The following UBE2Q2 variants were observed in gnomAD, a reference collection of about 807,000 sequenced individuals.
UBE2Q2 encodes ubiquitin-conjugating enzyme E2 Q2.
In UBE2Q2, 54 loss-of-function variants were observed where a neutral mutation model predicts 59.9. The ratio of observed to expected loss-of-function variants is 0.90; its 90% CI spans 0.72 to 1.13. UBE2Q2 has a LOEUF of 1.13. Ranked by LOEUF, UBE2Q2 falls within the 50% of genes most tolerant of loss-of-function variation. UBE2Q2 has a pLI of 0.00. For missense variants in UBE2Q2, 433 were observed against 441.9 expected, an observed-to-expected ratio of 0.98 and a Z score of 0.18; for synonymous variants, 165 against 155.2, an observed-to-expected ratio of 1.06 and a Z score of -0.47.
At chr15:75,891,073 C>T in intron 11 of UBE2Q2, 59 bp downstream of exon 11, 3 of 1,329,096 alleles carry the variant, frequency 2.3e-6, no homozygotes, top group Non-Finnish European at 3.2e-6. Context: ...ACTTTATAAG[C>T]TTTCTTCCTG....
At chr15:75,859,693 G>A (rs1223063390) in intron 2 of UBE2Q2, among the ~76,000 whole-genome samples, 185 bp from the exon 3 acceptor site, 1 of 152,124 alleles carries the variant, frequency 6.6e-6, no homozygotes, top group African/African-American at 2.4e-5. Flanking sequence ...CCAAGCCATA[G>A]TAACTTTCTT....
In UBE2Q2 at chr15:75,879,083, T is replaced by C. The variant is rs201380306; in HGVS notation, c.735-15T>C. On this transcript the variant is annotated splice_polypyrimidine_tract_variant and intron_variant, in intron 7 of 12. Coordinates refer to ENST00000267938, the MANE Select transcript of UBE2Q2 (RefSeq NM_173469.4). Reference sequence around the variant, plus strand: ...AACTTTTTATTTGAACTGTTTTTTGTTTTGTAATTCTTAGGGTTGACCCTG... The same window carrying C: ...AACTTTTTATTTGAACTGTTTTTTGCTTTGTAATTCTTAGGGTTGACCCTG... 1.8e-4 allele frequency: 277 copies of C among 1,532,788 alleles called. 1 individual carries two copies. The highest frequency in any genetic ancestry group is 2.3e-4 in the Non-Finnish European group (265 of 1,142,344). 94.9% of individuals were successfully genotyped at this position (1,532,788 alleles called of 1,614,324 possible).
In UBE2Q2 at chr15:75,899,633, G is replaced by T. The variant is rs536839169; in HGVS notation, c.*175G>T. The T allele has an allele frequency of 8.9e-6, 4 of 450,858 alleles. No homozygotes were observed. The East Asian group carries it at 1.7e-4, about 19-fold the overall frequency. The allele number at this position is 450,858 out of a possible 1,614,324, so 27.9% of individuals were successfully genotyped here. A position where few individuals can be genotyped will look rare whatever the true frequency, so the allele number is the denominator to read the frequency against. The stretch of plus-strand genomic sequence containing the variant: ...GTATAAGTTACAGCCTTTGCATTTT[G>T]CTCATTTTAGATATCTTGGACTGAG... On this transcript the variant is annotated 3_prime_UTR_variant, in exon 13 of 13. Transcript: ENST00000267938.
intron 4 of UBE2Q2, among the ~76,000 whole-genome samples, chr15:75,871,666 A>G (rs948630846): frequency 6.6e-6 from 1 of 152,242 alleles, no homozygotes; most frequent in Non-Finnish European, 1.5e-5. Context: ...GACACAGCAC[A>G]TGTTTCAGAG....
chr15:75,854,872 C>G (rs1170362074), intron 2 of UBE2Q2, among the ~76,000 whole-genome samples: 2 of 152,040 alleles, frequency 1.3e-5, no homozygotes, highest in African/African-American at 4.8e-5. Context: ...TTTCAAGGGT[C>G]TGTAAGTCTG....
chr15:75,868,923 G>A (rs1048204657), intron 3 of UBE2Q2, 28 bp from the exon 4 acceptor site: 4 of 1,610,358 alleles, frequency 2.5e-6, no homozygotes, highest in Admixed American at 1.7e-5. Flanking sequence ...GTTCTGTATA[G>A]CCCTGGCAGA....
intron 12 of UBE2Q2, among the ~76,000 whole-genome samples, chr15:75,898,726 C>G (rs77517206): frequency 0.017 from 2,582 of 152,200 alleles, 65 homozygotes; most frequent in African/African-American, 0.058. Context: ...TCCTTGTATT[C>G]TAAATCGCCA....
intron 7 of UBE2Q2, 77 bp downstream of exon 7, chr15:75,878,098 GAT>G (rs574265788): frequency 2.4e-6 from 3 of 1,266,664 alleles, no homozygotes; most frequent in Non-Finnish European, 2.3e-6. Context: ...CTTCTAACTT[GAT>G]ACCTTTATAC....
At chr15:75,873,125 T>G (rs1376900509) in intron 4 of UBE2Q2, among the ~76,000 whole-genome samples, 1 of 152,246 alleles carries the variant, frequency 6.6e-6, no homozygotes, top group Non-Finnish European at 1.5e-5. Flanking sequence ...CACCTGCTGC[T>G]AAACTGTTTT....
chr15:75,873,540 G>A lies in UBE2Q2; in HGVS notation c.560G>A (p.Arg187Lys). 1 of 1,613,714 alleles carries A rather than the reference G, an allele frequency of 6.2e-7. No individual in the cohort carries two copies. Among genetic ancestry groups the A allele is most frequent in the Non-Finnish European group, 8.5e-7 (1 of 1,179,864 alleles). Residue 187 changes from arginine to lysine, a missense_variant, in exon 5 of 13, where the codon AGG becomes AAG. Physicochemically the swap from Arg to Lys is conservative, Grantham distance 26 (BLOSUM62 2). Transcript: ENST00000267938. Reference protein sequence around the residue: ...KENLAILEKIRKTQRQDHLNG... With the variant: ...KENLAILEKIKKTQRQDHLNG... Reference sequence around the variant, plus strand: ...AATTTGGCAATATTAGAGAAAATTAGGAAGACTCAAAGGCAAGACCATTTA... The same window carrying A: ...AATTTGGCAATATTAGAGAAAATTAAGAAGACTCAAAGGCAAGACCATTTA...
chr15:75,893,322 G>T (rs1390041533), intron 11 of UBE2Q2, among the ~76,000 whole-genome samples: 1 of 152,170 alleles, frequency 6.6e-6, no homozygotes, highest in East Asian at 1.9e-4. Flanking sequence ...TGCAGCTTTA[G>T]TATCAAACAA....
chr15:75,859,970 A>C lies in UBE2Q2; in HGVS notation c.375A>C (p.Leu125=). The change falls in exon 3 of 13, where the codon CTA becomes CTC. Residue 125 remains leucine (L), a synonymous_variant. Transcript: ENST00000267938. ...ATGTTGAGATGCTAGATCAACCACT[A>C]CCCACGGGTCAGGTAAAGTAAAAAT... ...HLDVEMLDQP[L]PTGQNGTTEE... The C allele has an allele frequency of 6.3e-7, 1 of 1,596,596 alleles. No individual in the cohort carries two copies. Among genetic ancestry groups the C allele is most frequent in the Non-Finnish European group, 8.5e-7 (1 of 1,174,442 alleles).
At chr15:75,871,945 G>A (rs1049386619) in intron 4 of UBE2Q2, among the ~76,000 whole-genome samples, 7 of 152,164 alleles carry the variant, frequency 4.6e-5, no homozygotes, top group Admixed American at 3.9e-4. Flanking sequence ...TCGTGGATGG[G>A]AACATGACTG....
At chr15:75,853,629 G>A (rs1896753003) in intron 1 of UBE2Q2, among the ~76,000 whole-genome samples, 1 of 152,058 alleles carries the variant, frequency 6.6e-6, no homozygotes, top group Admixed American at 6.6e-5. Context: ...CTATTGCTCT[G>A]TAACAAATTT....
chr15:75,869,396 A>G (rs1897667515), intron 4 of UBE2Q2, among the ~76,000 whole-genome samples: 1 of 152,262 alleles, frequency 6.6e-6, no homozygotes, highest in Non-Finnish European at 1.5e-5. Context: ...CGCCAGAAGT[A>G]GTGAAACTGT....
intron 3 of UBE2Q2, 30 bp from the exon 4 acceptor site, chr15:75,868,921 T>G (rs1285966062): frequency 1.2e-6 from 2 of 1,609,620 alleles, no homozygotes; most frequent in East Asian, 4.5e-5. Flanking sequence ...TTGTTCTGTA[T>G]AGCCCTGGCA....
At chr15:75,883,710 T>G (rs1233467004) in intron 9 of UBE2Q2, among the ~76,000 whole-genome samples, 1 of 152,080 alleles carries the variant, frequency 6.6e-6, no homozygotes, top group African/African-American at 2.4e-5. Flanking sequence ...AGTATTTACA[T>G]TTTTAAGAAG....
Position 75,900,736 on chromosome 15 carries a change from G to C in UBE2Q2, c.*1278G>C, listed in dbSNP as rs1403159422. Reference sequence around the variant, plus strand: ...TTTCTTTTGATTCCATTTTGGTTAAGAGAGCAGTAAATAGATTTTCTGGTA... The same window carrying C: ...TTTCTTTTGATTCCATTTTGGTTAACAGAGCAGTAAATAGATTTTCTGGTA... On this transcript the variant is annotated 3_prime_UTR_variant, in exon 13 of 13. Transcript: ENST00000267938. 3.9e-5 allele frequency: 6 copies of C among 152,594 alleles called. No homozygotes were observed. The highest frequency in any genetic ancestry group is 5.9e-5 in the Non-Finnish European group (4 of 68,030). 9.5% of individuals were successfully genotyped at this position (152,594 alleles called of 1,614,324 possible).
intron 11 of UBE2Q2, chr15:75,894,908 AAAAC>A (rs972545128): frequency 2.6e-5 from 4 of 152,054 alleles, no homozygotes; most frequent in Non-Finnish European, 5.9e-5. Flanking sequence ...TGAAAGTACT[AAAAC>A]AAAAACTTTT....
Sources: allele counts gnomAD v4.1 joint callset (sites outside exome capture counted in the v4.1 genomes callset), GRCh38; gene constraint gnomAD v4.1.1; transcripts MANE v1.5; gene names NCBI Gene and HGNC (gene_info 2026-07-23, HGNC 2026-07-21).